CENPP: variants seen among roughly 807,000 people sequenced by gnomAD.
The protein encoded by CENPP is centromere protein P.
CENPP carries 24 observed loss-of-function variants against 35.6 expected under a neutral mutation model. The ratio of observed to expected loss-of-function variants is 0.67; its 90% CI spans 0.49 to 0.95. The LOEUF is 0.95. Ranked by LOEUF, CENPP falls within the 40% of genes least tolerant of loss-of-function variation. CENPP has a pLI of 0.00. For synonymous variants in CENPP, 120 were observed against 125.5 expected (o/e 0.96, Z 0.29); for missense variants, 332 against 345.3 (o/e 0.96, Z 0.31).
intron 5 of CENPP, among the ~76,000 whole-genome samples, chr9:92,418,318 C>T (rs560347593): frequency 3.3e-5 from 5 of 151,794 alleles, no homozygotes; most frequent in Admixed American, 2.6e-4. Flanking sequence ...AACTCCTGAC[C>T]TCAGGTGATC....
rs190005609 is a variant in CENPP at position 92,566,157 on chromosome 9, C to T, written c.565-45157C>T. Among the ~76,000 whole-genome samples the T allele has an allele frequency of 8.9e-4, 135 of 151,884 alleles. No homozygotes were observed. The Middle Eastern group carries it at 0.014, about 15-fold the overall frequency. On this transcript the variant is annotated intron_variant, in intron 5 of 7. Coordinates refer to ENST00000375587, the MANE Select transcript of CENPP (RefSeq NM_001012267.3). Reference sequence around the variant, plus strand: ...CTCTACTAAAAATACAAAAATTAGCCGGGCGTGATGTCGGGTGCCTGTAAT... The same window carrying T: ...CTCTACTAAAAATACAAAAATTAGCTGGGCGTGATGTCGGGTGCCTGTAAT...
intron 4 of CENPP, among the ~76,000 whole-genome samples, chr9:92,350,542 C>T (rs1413717485): frequency 6.6e-6 from 1 of 152,178 alleles, no homozygotes; most frequent in African/African-American, 2.4e-5. Context: ...AGATTATTTT[C>T]ATGGCTTACT....
At chr9:92,381,595 T>G (rs1486769400) in intron 5 of CENPP, among the ~76,000 whole-genome samples, 1 of 152,230 alleles carries the variant, frequency 6.6e-6, no homozygotes, top group Non-Finnish European at 1.5e-5. Flanking sequence ...CATATTCCAT[T>G]AAATGTATGT....
intron 5 of CENPP, chr9:92,528,018 TTGGAGAG>T (rs543072794): frequency 6.0e-4 from 92 of 153,306 alleles, no homozygotes; most frequent in African/African-American, 2.1e-3. Flanking sequence ...CTTCAGACTT[TTGGAGAG>T]TCTGTGAAGT....
chr9:92,398,528 T>C (rs1228182471), intron 5 of CENPP, among the ~76,000 whole-genome samples: 2 of 152,146 alleles, frequency 1.3e-5, no homozygotes, highest in African/African-American at 4.8e-5. Context: ...ATATTATAGA[T>C]ATTCTTTTGC....
chr9:92,399,635 C>T (rs1450829461), intron 5 of CENPP, among the ~76,000 whole-genome samples: 2 of 152,048 alleles, frequency 1.3e-5, no homozygotes, highest in Admixed American at 6.6e-5. Context: ...AGTACTTGTA[C>T]GATTTCATTT....
At chr9:92,355,226 C>T (rs567151412) in intron 4 of CENPP, among the ~76,000 whole-genome samples, 1 of 152,236 alleles carries the variant, frequency 6.6e-6, no homozygotes, top group Non-Finnish European at 1.5e-5. Flanking sequence ...GTATCTCAGT[C>T]CTTATCTCAA....
At chr9:92,406,938 A>G (rs1390003509) in intron 5 of CENPP, among the ~76,000 whole-genome samples, 1 of 152,286 alleles carries the variant, frequency 6.6e-6, no homozygotes, top group East Asian at 1.9e-4. Flanking sequence ...CTCTTATTAC[A>G]TTTGATAATT....
At chr9:92,511,927 C>G (rs1391676851) in intron 5 of CENPP, 2 of 1,015,674 alleles carry the variant, frequency 2.0e-6, no homozygotes, top group African/African-American at 1.7e-5. Context: ...AAGCATTTTC[C>G]TTTTCCTCCC....
chr9:92,366,778 T>G (rs1029277360), intron 4 of CENPP, among the ~76,000 whole-genome samples: 4 of 152,222 alleles, frequency 2.6e-5, no homozygotes, highest in Non-Finnish European at 4.4e-5. Context: ...GAGGCTGTTT[T>G]GAGGATATTG....
chr9:92,494,118 T>A, intron 5 of CENPP: 1 of 1,598,004 alleles, frequency 6.3e-7, no homozygotes, highest in Non-Finnish European at 8.5e-7. Flanking sequence ...GATCTGTTTG[T>A]CACTGTCTCT....
intron 5 of CENPP, among the ~76,000 whole-genome samples, chr9:92,495,138 A>G (rs915660796): frequency 1.3e-5 from 2 of 152,178 alleles, no homozygotes; most frequent in African/African-American, 4.8e-5. Context: ...GAGTGGTGAA[A>G]GAACTATTAA....
intron 6 of CENPP, among the ~76,000 whole-genome samples, chr9:92,612,057 G>A (rs1192233052): frequency 8.5e-5 from 13 of 152,226 alleles, no homozygotes; most frequent in Non-Finnish European, 1.6e-4. Context: ...CATACACAGC[G>A]TCTTGCTGCG....
chr9:92,411,670 A>AGGAGGAAT (rs2130948565), intron 5 of CENPP, among the ~76,000 whole-genome samples: 1 of 152,288 alleles, frequency 6.6e-6, no homozygotes, highest in African/African-American at 2.4e-5. Flanking sequence ...ATTTTCTTTT[A>AGGAGGAAT]TTCATTTAGG....
At chr9:92,434,526 G>A (rs577978611) in intron 5 of CENPP, among the ~76,000 whole-genome samples, 17 of 152,210 alleles carry the variant, frequency 1.1e-4, no homozygotes, top group South Asian at 1.0e-3. Context: ...ATTGGCAAAA[G>A]GATAGACACA....
intron 5 of CENPP, chr9:92,415,290 C>T: frequency 6.2e-7 from 1 of 1,613,606 alleles, no homozygotes; most frequent in Non-Finnish European, 8.5e-7. Flanking sequence ...AAACTTGTGT[C>T]TTTAGTTGTA....
chr9:92,480,479 G>T lies in CENPP; in HGVS notation c.564+100620G>T, dbSNP rs1158764624. ...GATTTTAATCTCATAGTTACTTCCA[G>T]ACAGTAAACAGACTTTCCTCTGGAA... On this transcript the variant is annotated intron_variant, in intron 5 of 7. Coordinates refer to ENST00000375587, the MANE Select transcript of CENPP (RefSeq NM_001012267.3). Among the ~76,000 whole-genome samples, 3 of 152,206 alleles carry T rather than the reference G, an allele frequency of 2.0e-5. No homozygotes were observed. The East Asian group carries it at 5.8e-4, about 29-fold the overall frequency.
chr9:92,415,864 AT>A (rs1327639976), intron 5 of CENPP, among the ~76,000 whole-genome samples: 1 of 146,382 alleles, frequency 6.8e-6, no homozygotes, highest in Non-Finnish European at 1.5e-5. Flanking sequence ...TATATATAAA[AT>A]TATATATTTC....
At chr9:92,372,807 GT>G (rs1008117145) in intron 4 of CENPP, among the ~76,000 whole-genome samples, 12 of 150,724 alleles carry the variant, frequency 8.0e-5, no homozygotes, top group Admixed American at 3.3e-4. Flanking sequence ...TCTGATTGAG[GT>G]TTTTTCTTTT....
Sources: allele counts gnomAD v4.1 joint callset (sites outside exome capture counted in the v4.1 genomes callset), GRCh38; gene constraint gnomAD v4.1.1; transcripts MANE v1.5; gene names NCBI Gene and HGNC (gene_info 2026-07-23, HGNC 2026-07-21).